The following SMYD4 variants were observed in gnomAD, a reference collection of about 807,000 sequenced individuals.
SMYD4 encodes the protein SET and MYND domain containing 4.
A neutral mutation model predicts 72.8 loss-of-function variants in SMYD4; 68 were observed. The observed-to-expected ratio is 0.93, with a 90% CI of 0.77 to 1.14. SMYD4 has a LOEUF of 1.14. SMYD4 is among the 50% of genes most tolerant of loss of function. SMYD4 has a pLI of 0.00. For missense variants in SMYD4, 984 were observed against 1,003.7 expected (o/e 0.98, Z 0.27); for synonymous variants, 407 against 388.6 (o/e 1.05, Z -0.56).
rs144396164 is a variant in SMYD4, at chr17:1,784,417, G to A, written c.1929C>T (p.Ser643=). 75 of 1,614,116 alleles carry A rather than the reference G, an allele frequency of 4.6e-5. No individual in the cohort carries two copies. The African/African-American group carries it at 5.9e-4, about 13-fold the overall frequency. ...AGACCAGGTGGTCCCTGCTGACGGC[G>A]GATTCTGCACAAGATCTGCTGCCAC... is the stretch of plus-strand genomic sequence containing the variant. ...LRCGSRSCAE[S]AVSRDHLVSR... The change falls in exon 8 of 11, where the codon TCC becomes TCT. Residue 643 remains serine (S), a synonymous_variant. Transcript: ENST00000305513.
intron 5 of SMYD4, among the ~76,000 whole-genome samples, chr17:1,792,455 T>G (rs992193504): frequency 9.2e-5 from 14 of 152,018 alleles, no homozygotes; most frequent in African/African-American, 2.4e-4. Context: ...GAGACCACCT[T>G]GCTAACACGG....
In SMYD4 at chr17:1,800,558, T is replaced by G. The variant is rs1909671734; in HGVS notation, c.836A>C (p.His279Pro). 6.2e-7 allele frequency: 1 copy of G among 1,614,122 alleles called. No individual in the cohort carries two copies. Among genetic ancestry groups the G allele is most frequent in the African/African-American group, 1.3e-5 (1 of 74,942 alleles). The change falls in exon 5 of 11, where the codon CAC (histidine) becomes CCC (proline). Residue 279 changes from histidine to proline, a missense_variant. His to Pro is a moderately conservative substitution (Grantham distance 77). Coordinates refer to ENST00000305513, the MANE Select transcript of SMYD4 (RefSeq NM_052928.3). ...GGTGTCCCATTTGCTGTCTAGGCCG[T>G]GATGCGGTGGTGGCAGTTCTCCTGG... ...LNPGELPPPHHGLDSKWDTRV... is the reference protein window; with the variant it reads ...LNPGELPPPHPGLDSKWDTRV...
At chr17:1,794,167 T>A (rs1909270313) in intron 5 of SMYD4, among the ~76,000 whole-genome samples, 2 of 126,032 alleles carry the variant, frequency 1.6e-5, no homozygotes, top group Non-Finnish European at 3.2e-5. Flanking sequence ...TGGAGTACAG[T>A]GGTGTGATCT....
intron 4 of SMYD4, chr17:1,804,236 T>C: frequency 4.8e-6 from 1 of 209,304 alleles, no homozygotes; most frequent in Non-Finnish European, 9.8e-6. Flanking sequence ...AGTGGTGCGA[T>C]CTCGGCTCAC....
rs200667564 is a variant in SMYD4 at position 1,800,148 on chromosome 17, C to G, written c.1246G>C (p.Gly416Arg). The change falls in exon 5 of 11, where the codon GGG (glycine) becomes CGG (arginine). Residue 416 changes from glycine (G) to arginine (R), a missense_variant. Coordinates refer to ENST00000305513, the MANE Select transcript of SMYD4 (RefSeq NM_052928.3). ...ETPIPGCDIN[G>R]KYENNYNAVF... ...GCATTATAATTATTTTCATACTTCC[C>G]ATTAATATCGCATCCAGGAATTGGG... is the stretch of plus-strand genomic sequence containing the variant. The G allele has an allele frequency of 2.5e-6, 4 of 1,610,706 alleles. No homozygotes were observed. In the African/African-American group the frequency reaches 5.3e-5, roughly 22 times the overall value.
At chr17:1,816,598 C>T (rs145860627) in intron 2 of SMYD4, among the ~76,000 whole-genome samples, 4 of 149,042 alleles carry the variant, frequency 2.7e-5, no homozygotes, top group South Asian at 2.1e-4. Context: ...CCACCCTGGG[C>T]GACAAAGCGA....
intron 4 of SMYD4, among the ~76,000 whole-genome samples, chr17:1,802,595 G>A (rs977624863): frequency 7.9e-5 from 12 of 152,206 alleles, no homozygotes; most frequent in Non-Finnish European, 1.8e-4. Flanking sequence ...ACTGGCCTCA[G>A]CAGTCCAGGA....
rs369531054 is a variant in SMYD4 at position 1,783,102 on chromosome 17, G to A, written c.2194C>T (p.Arg732Cys). The stretch of plus-strand genomic sequence containing the variant: ...ATTTCAACACTGGACGGCCCGTGGC[G>A]AACCTCCACCACGTAGAGACTCCTC... ...LQRSLYVVEV[R>C]HGPSSVEMGH... Residue 732 changes from arginine to cysteine, a missense_variant, in exon 10 of 11, where the codon CGC (arginine) becomes TGC (cysteine). Coordinates refer to ENST00000305513, the MANE Select transcript of SMYD4 (RefSeq NM_052928.3). 2.8e-5 allele frequency: 45 copies of A among 1,614,048 alleles called. No homozygotes were observed. Among genetic ancestry groups the A allele is most frequent in the African/African-American group, 5.3e-5 (4 of 74,910 alleles).
rs886141216 is a variant in SMYD4, at chr17:1,780,513, G to A, written c.*773C>T. The A allele has an allele frequency of 2.0e-5, 3 of 150,560 alleles. No homozygotes were observed. The highest frequency in any genetic ancestry group is 4.4e-5 in the Non-Finnish European group (3 of 67,948). The allele number at this position is 150,560 out of a possible 1,614,324, so 9.3% of individuals were successfully genotyped here. ...ATTACAGGTGTGAGCCTCTACACTG[G>A]GCCTGCAGAACCTACACAGAATCCG... On this transcript the variant is annotated 3_prime_UTR_variant, in exon 11 of 11. Coordinates refer to ENST00000305513, the MANE Select transcript of SMYD4 (RefSeq NM_052928.3).
chr17:1,786,859 C>T lies in SMYD4; in HGVS notation c.1835G>A (p.Gly612Glu). The change falls in exon 7 of 11, where the codon GGG becomes GAG. Residue 612 changes from glycine (G) to glutamate (E), a missense_variant. Coordinates refer to ENST00000305513, the MANE Select transcript of SMYD4 (RefSeq NM_052928.3). ...CQTEAHRMAA[G>E]PRWEAFCCNS... ...GCAACAGAATGCTTCCCACCTGGGCCCTGCAGCCATCCTGTGTGCCTCAGT... is the reference window on the plus strand; with the variant it reads ...GCAACAGAATGCTTCCCACCTGGGCTCTGCAGCCATCCTGTGTGCCTCAGT... 1.2e-6 allele frequency: 2 copies of T among 1,614,218 alleles called. No individual in the cohort carries two copies. Among genetic ancestry groups the T allele is most frequent in the East Asian group, 2.2e-5 (1 of 44,882 alleles).
rs775216714 is a variant in SMYD4 at position 1,812,090 on chromosome 17, T to G, written c.160A>C (p.Arg54=). 3 of 1,614,050 alleles carry G rather than the reference T, an allele frequency of 1.9e-6. No individual in the cohort carries two copies. The highest frequency in any genetic ancestry group is 1.7e-5 in the Admixed American group (1 of 59,980). Residue 54 remains arginine, a synonymous_variant, in exon 3 of 11, where the codon AGA becomes CGA. Coordinates refer to ENST00000305513, the MANE Select transcript of SMYD4 (RefSeq NM_052928.3). ...CCCACCAAGTAACCTTTAGAAAGTCTTTTTAGAAACAGCTCATCCTCAGGT... is the reference window on the plus strand; with the variant it reads ...CCCACCAAGTAACCTTTAGAAAGTCGTTTTAGAAACAGCTCATCCTCAGGT... ...LQPEDELFLK[R]LSKGYLVGKD...
intron 5 of SMYD4, among the ~76,000 whole-genome samples, chr17:1,789,500 A>T (rs1908889374): frequency 6.6e-6 from 1 of 152,116 alleles, no homozygotes; most frequent in Non-Finnish European, 1.5e-5. Flanking sequence ...GCAGAGGCTC[A>T]CGCCTGTAAT....
chr17:1,828,267 C>T (rs1369244018), intron 1 of SMYD4, among the ~76,000 whole-genome samples: 1 of 150,742 alleles, frequency 6.6e-6, no homozygotes, highest in Non-Finnish European at 1.5e-5. Flanking sequence ...AAGAGAACTG[C>T]GTGAACTGGG....
rs529871156 is a variant in SMYD4 at position 1,813,303 on chromosome 17, C to T, written c.135-1188G>A. Among the ~76,000 whole-genome samples, 220 of 152,296 alleles carry T rather than the reference C, an allele frequency of 1.4e-3. 1 individual carries two copies. The highest frequency in any genetic ancestry group is 5.1e-3 in the African/African-American group (214 of 41,564). ...CTTTTGAATCAAGGAGTATTCTCCACTTCAACTGCTGAAAATACTTGAGTG... is the reference window on the plus strand; with the variant it reads ...CTTTTGAATCAAGGAGTATTCTCCATTTCAACTGCTGAAAATACTTGAGTG... On this transcript the variant is annotated intron_variant, in intron 2 of 10. Transcript: ENST00000305513.
Position 1,811,994 on chromosome 17 carries a change from C to T in SMYD4, c.256G>A (p.Gly86Arg), listed in dbSNP as rs774245296. Reference sequence around the variant, plus strand: ...ACCTTAGAGTACAGCACTGCAGCTCCTGTGTAATCTTTCTCCTGAAATTTT... The same window carrying T: ...ACCTTAGAGTACAGCACTGCAGCTCTTGTGTAATCTTTCTCCTGAAATTTT... ...NKKFQEKDYT[G>R]AAVLYSKGVS... The change falls in exon 3 of 11, where the codon GGA (glycine) becomes AGA (arginine). Residue 86 changes from glycine to arginine, a missense_variant. Transcript: ENST00000305513. 6.2e-7 allele frequency: 1 copy of T among 1,614,106 alleles called. No homozygotes were observed. The highest frequency in any genetic ancestry group is 1.1e-5 in the South Asian group (1 of 91,080).
chr17:1,792,027 C>A (rs1196898501), intron 5 of SMYD4, among the ~76,000 whole-genome samples: 1 of 147,604 alleles, frequency 6.8e-6, no homozygotes, highest in Admixed American at 6.9e-5. Flanking sequence ...ATCTTTAAAT[C>A]CTAACCTAAA....
At chr17:1,798,078 A>G (rs1909500239) in intron 5 of SMYD4, among the ~76,000 whole-genome samples, 1 of 151,686 alleles carries the variant, frequency 6.6e-6, no homozygotes, top group African/African-American at 2.4e-5. Context: ...TGGTTTGACT[A>G]TTATTTCTGC....
Position 1,783,051 on chromosome 17 carries a change from G to A in SMYD4, c.2245C>T (p.Gln749Ter). Residue 749 changes from glutamine to a stop codon, truncating the protein, a stop_gained, in exon 10 of 11, where the codon CAG becomes TAG. Transcript: ENST00000305513. LOFTEE classifies it low-confidence loss of function (END_TRUNC). ...EMGHELFKLA[Q>*]IFFNGFAVPE... is the part of the protein sequence containing the mutation. ...GGGACTCACCCGTTGAAAAAGATCT[G>A]GGCCAATTTGAAGAGCTCATGGCCC... 1 of 1,614,076 alleles carries A rather than the reference G, an allele frequency of 6.2e-7. No individual in the cohort carries two copies. The highest frequency in any genetic ancestry group is 1.3e-5 in the African/African-American group (1 of 75,046).
chr17:1,823,500 CTA>C (rs1233682889), intron 2 of SMYD4, among the ~76,000 whole-genome samples: 1 of 151,040 alleles, frequency 6.6e-6, no homozygotes, highest in Non-Finnish European at 1.5e-5. Flanking sequence ...CGAACAATGA[CTA>C]TGTGTGTGCG....
Sources: allele counts gnomAD v4.1 joint callset (sites outside exome capture counted in the v4.1 genomes callset), GRCh38; gene constraint gnomAD v4.1.1; transcripts MANE v1.5; gene names NCBI Gene and HGNC (gene_info 2026-07-23, HGNC 2026-07-21).